Variants in SLCO5A1 observed in about 807,000 individuals in gnomAD.
The protein encoded by SLCO5A1 is solute carrier organic anion transporter family member 5A1, also known as organic anion transporter polypeptide-related protein 4.
SLCO5A1 carries 39 observed loss-of-function variants against 65.1 expected under a neutral mutation model. That is an observed-to-expected ratio of 0.60 (90% CI 0.46 to 0.78). The LOEUF (loss-of-function observed/expected upper bound fraction) is 0.78. Among genes scored for constraint, SLCO5A1 ranks in the 30% least tolerant of loss-of-function variants. SLCO5A1 has a pLI of 0.00. For missense variants in SLCO5A1, 1,029 were observed against 1,069.4 expected (o/e 0.96, Z 0.53); for synonymous variants, 438 against 415.7 (o/e 1.05, Z -0.65).
chr8:69,719,644 A>G (rs1417194486), intron 5 of SLCO5A1: 1 of 152,234 alleles, frequency 6.6e-6, no homozygotes, highest in East Asian at 1.9e-4. Context: ...CCCAAGAAAC[A>G]TTAACCATAT....
chr8:69,738,421 TAAGTA>T (rs1167068463), intron 4 of SLCO5A1, among the ~76,000 whole-genome samples: 1 of 151,876 alleles, frequency 6.6e-6, no homozygotes, highest in East Asian at 1.9e-4. Context: ...ATATGGAAAT[TAAGTA>T]AAGTACCTAA....
At chr8:69,779,315 A>G (rs981698787) in intron 2 of SLCO5A1, among the ~76,000 whole-genome samples, 1 of 152,188 alleles carries the variant, frequency 6.6e-6, no homozygotes, top group African/African-American at 2.4e-5. Context: ...TATCTGAAAA[A>G]GCCATTTCTC....
chr8:69,776,746 A>G (rs1273500052), intron 2 of SLCO5A1, among the ~76,000 whole-genome samples: 1 of 152,218 alleles, frequency 6.6e-6, no homozygotes, highest in African/African-American at 2.4e-5. Flanking sequence ...ATTGTAGAAA[A>G]TATTTCTGAA....
chr8:69,710,019 C>CTT (rs33961429), intron 5 of SLCO5A1, among the ~76,000 whole-genome samples: 7 of 122,864 alleles, frequency 5.7e-5, no homozygotes, highest in South Asian at 2.9e-4. Context: ...TCGGCAACAG[C>CTT]TTTTTTTTTT....
At chr8:69,792,253 GA>G (rs11288763) in intron 2 of SLCO5A1, among the ~76,000 whole-genome samples, 2,639 of 147,904 alleles carry the variant, frequency 0.018, 59 homozygotes, top group African/African-American at 0.059. Flanking sequence ...ATTCACAAAG[GA>G]AAAAAAAAAT....
At chr8:69,789,285 A>T (rs1245188515) in intron 2 of SLCO5A1, among the ~76,000 whole-genome samples, 2 of 152,216 alleles carry the variant, frequency 1.3e-5, no homozygotes, top group Non-Finnish European at 2.9e-5. Flanking sequence ...ATTTTGACCC[A>T]TACTGTCCCA....
At chr8:69,700,891 A>G (rs1430913934) in intron 6 of SLCO5A1, among the ~76,000 whole-genome samples, 1 of 151,902 alleles carries the variant, frequency 6.6e-6, no homozygotes, top group Non-Finnish European at 1.5e-5. Context: ...TACAGCCTAC[A>G]CAACCTTTTT....
chr8:69,822,031 C>A (rs1167276476), intron 2 of SLCO5A1, among the ~76,000 whole-genome samples: 1 of 151,748 alleles, frequency 6.6e-6, no homozygotes. Context: ...GAGGCTGAGG[C>A]AGGAGAATCA....
At chr8:69,725,443 G>A (rs1816017848) in intron 5 of SLCO5A1, among the ~76,000 whole-genome samples, 2 of 146,868 alleles carry the variant, frequency 1.4e-5, no homozygotes. Context: ...CATGTACCAA[G>A]GGAGAAAAAG....
intron 4 of SLCO5A1, among the ~76,000 whole-genome samples, chr8:69,741,056 ACT>A (rs535920537): frequency 1.3e-3 from 194 of 152,172 alleles, no homozygotes; most frequent in Non-Finnish European, 2.3e-3. Flanking sequence ...ACAAGGTGAC[ACT>A]CTGCTTTCTT....
chr8:69,747,319 C>A (rs539533810), intron 4 of SLCO5A1, among the ~76,000 whole-genome samples: 85 of 152,248 alleles, frequency 5.6e-4, no homozygotes, highest in South Asian at 1.5e-3. Flanking sequence ...TGATCCTCTT[C>A]TTTTATGAGT....
intron 4 of SLCO5A1, among the ~76,000 whole-genome samples, chr8:69,741,665 CTA>C (rs1816792832): frequency 6.6e-6 from 1 of 152,202 alleles, no homozygotes; most frequent in Non-Finnish European, 1.5e-5. Context: ...CAAATTAACA[CTA>C]TATGTCTCTG....
intron 6 of SLCO5A1, among the ~76,000 whole-genome samples, chr8:69,694,054 C>A (rs1230047415): frequency 6.6e-6 from 1 of 152,240 alleles, no homozygotes; most frequent in Admixed American, 6.5e-5. Flanking sequence ...TGTAACTCAG[C>A]TGCTTTGAAA....
At chr8:69,751,336 AAT>A (rs1379440340) in intron 4 of SLCO5A1, among the ~76,000 whole-genome samples, 3 of 152,200 alleles carry the variant, frequency 2.0e-5, no homozygotes, top group African/African-American at 7.2e-5. Flanking sequence ...TGTGGAATGT[AAT>A]GCAGATATAC....
At chr8:69,808,278 A>G (rs1820091242) in intron 2 of SLCO5A1, among the ~76,000 whole-genome samples, 1 of 151,838 alleles carries the variant, frequency 6.6e-6, no homozygotes, top group African/African-American at 2.4e-5. Context: ...CCCAGGTATT[A>G]AGCCTAGTAT....
At chr8:69,821,527 G>T (rs1487741344) in intron 2 of SLCO5A1, among the ~76,000 whole-genome samples, 1 of 151,952 alleles carries the variant, frequency 6.6e-6, no homozygotes, top group Non-Finnish European at 1.5e-5. Context: ...GGCCAGAATA[G>T]ACCAGGCGCA....
intron 2 of SLCO5A1, 99 bp from the exon 3 acceptor site, chr8:69,761,974 A>G (rs1817798570): frequency 6.9e-7 from 1 of 1,442,060 alleles, no homozygotes; most frequent in South Asian, 1.3e-5. Flanking sequence ...CTCACAGTTC[A>G]ATCCAGTTAA....
chr8:69,677,537 A>T (rs1740663956), intron 8 of SLCO5A1, among the ~76,000 whole-genome samples: 1 of 152,204 alleles, frequency 6.6e-6, no homozygotes, highest in Non-Finnish European at 1.5e-5. Flanking sequence ...ATATAATAGG[A>T]ACTTTCCCAA....
intron 2 of SLCO5A1, among the ~76,000 whole-genome samples, chr8:69,768,289 CA>C (rs1818166246): frequency 6.6e-6 from 1 of 152,178 alleles, no homozygotes; most frequent in Non-Finnish European, 1.5e-5. Flanking sequence ...ATATCATGAT[CA>C]AAAGAATGAC....
Sources: gnomAD v4.1 joint callset for allele counts (sites outside exome capture counted in the v4.1 genomes callset) on GRCh38, gnomAD v4.1.1 for gene constraint, MANE v1.5 for transcripts, NCBI Gene and HGNC (gene_info 2026-07-23, HGNC 2026-07-21) for gene names.